The following ERBB3 variants were observed in gnomAD, a reference collection of about 807,000 sequenced individuals.
The protein encoded by ERBB3 is erb-b2 receptor tyrosine kinase 3.
ERBB3 carries 96 observed loss-of-function variants against 156.7 expected under a neutral mutation model. The observed-to-expected ratio is 0.61, with a 90% CI of 0.52 to 0.73. The LOEUF is 0.73. Ranked by LOEUF, ERBB3 falls within the 30% of genes least tolerant of loss-of-function variation. The probability of loss-of-function intolerance (pLI) is 0.00; values close to 1 mark genes in which losing one functional copy is unlikely to be tolerated. For missense variants in ERBB3, 1,406 were observed against 1,709.4 expected (o/e 0.82, Z 3.13); for synonymous variants, 567 against 632.0 (o/e 0.90, Z 1.54).
chr12:56,096,318 C>T (rs1333600108), intron 17 of ERBB3, 185 bp from the exon 18 acceptor site: 3 of 701,630 alleles, frequency 4.3e-6, no homozygotes, highest in Non-Finnish European at 7.3e-6. Context: ...CTCATGAGCA[C>T]AAATAACTTC....
chr12:56,087,280 A>G (rs997550113), intron 4 of ERBB3, among the ~76,000 whole-genome samples: 1 of 152,108 alleles, frequency 6.6e-6, no homozygotes, highest in African/African-American at 2.4e-5. Flanking sequence ...ATATTCCTGC[A>G]TATATTCAGT....
intron 9 of ERBB3, chr12:56,089,196 T>A (rs1309786463): frequency 6.5e-6 from 3 of 458,750 alleles, no homozygotes. Flanking sequence ...TGCAGTGGCG[T>A]GATCTCGACT....
chr12:56,102,351 T>C lies in ERBB3; in HGVS notation c.*296T>C. ...AGGCACTCCTGGAGATATGAAGGAT[T>C]ACTCTCCATATCCCTTCCTCTCAGG... On this transcript the variant is annotated 3_prime_UTR_variant, in exon 28 of 28. Transcript: ENST00000267101. The C allele has an allele frequency of 2.3e-6, 1 of 443,466 alleles. No individual in the cohort carries two copies. The highest frequency in any genetic ancestry group is 2.5e-5 in the South Asian group (1 of 40,056). 27.5% of individuals were successfully genotyped at this position (443,466 alleles called of 1,614,324 possible).
intron 1 of ERBB3, among the ~76,000 whole-genome samples, chr12:56,082,666 T>G (rs975842003): frequency 2.6e-5 from 4 of 152,122 alleles, no homozygotes; most frequent in African/African-American, 7.2e-5. Flanking sequence ...GGTCTTTCCC[T>G]GAACCAGAGG....
rs1319818193 is a variant in ERBB3, at chr12:56,100,917, C to A, written c.3202-144C>A. On this transcript the variant is annotated intron_variant, in intron 26 of 27. Coordinates refer to ENST00000267101, the MANE Select transcript of ERBB3 (RefSeq NM_001982.4). ...TAATGCCACTGCACTCCAGCCTGGGCGACAAGAACAAGACTCCACCTCAAA... is the reference window on the plus strand; with the variant it reads ...TAATGCCACTGCACTCCAGCCTGGGAGACAAGAACAAGACTCCACCTCAAA... 17 of 673,364 alleles carry A rather than the reference C, an allele frequency of 2.5e-5. No homozygotes were observed. The African/African-American group carries it at 3.2e-4, about 13-fold the overall frequency. The allele number at this position is 673,364 out of a possible 1,614,324, so 41.7% of individuals were successfully genotyped here.
At chr12:56,100,850 G>C (rs1277210558) in intron 26 of ERBB3, among the ~76,000 whole-genome samples, 1 of 135,888 alleles carries the variant, frequency 7.4e-6, no homozygotes, top group Admixed American at 8.6e-5. Context: ...TGAGGCAGGA[G>C]AATCACTTGA....
chr12:56,085,106 G>C lies in ERBB3; in HGVS notation c.346G>C (p.Ala116Pro). 6.2e-7 allele frequency: 1 copy of C among 1,614,072 alleles called. No homozygotes were observed. Among genetic ancestry groups the C allele is most frequent in the Non-Finnish European group, 8.5e-7 (1 of 1,179,986 alleles). ...GACCCAGGTCTACGATGGGAAGTTT[G>C]CCATCTTCGTCATGTTGAACTATAA... ...RGTQVYDGKF[A>P]IFVMLNYNTN... The change falls in exon 3 of 28, where the codon GCC (alanine) becomes CCC (proline). Residue 116 changes from alanine to proline, a missense_variant. By Grantham distance (27) the Ala-to-Pro change is conservative. This residue lies in a region of ERBB3 where 979 missense variants were observed against 1,219.6 expected (regional missense o/e 0.80). Coordinates refer to ENST00000267101, the MANE Select transcript of ERBB3 (RefSeq NM_001982.4).
Position 56,102,119 on chromosome 12 carries a change from C to A in ERBB3, c.*64C>A. The A allele has an allele frequency of 1.4e-6, 2 of 1,416,850 alleles. No homozygotes were observed. The highest frequency in any genetic ancestry group is 2.0e-6 in the Non-Finnish European group (2 of 1,013,694). 87.8% of individuals were successfully genotyped at this position (1,416,850 alleles called of 1,614,324 possible). On this transcript the variant is annotated 3_prime_UTR_variant, in exon 28 of 28. Transcript: ENST00000267101. Reference sequence around the variant, plus strand: ...AGCTAGTGCCTTTAGAGGGTACCGTCTTCTCCCTATTCCCTCTCTCTCCCA... The same window carrying A: ...AGCTAGTGCCTTTAGAGGGTACCGTATTCTCCCTATTCCCTCTCTCTCCCA...
intron 1 of ERBB3, among the ~76,000 whole-genome samples, chr12:56,081,110 A>C (rs1456153987): frequency 6.6e-6 from 1 of 152,196 alleles, no homozygotes; most frequent in African/African-American, 2.4e-5. Context: ...CTGTAAGGGC[A>C]AGGATGTCCA....
At position 56,097,029 on chromosome 12, in the gene ERBB3, C is replaced by G. The variant is rs1337925690; in HGVS notation, c.2275-16C>G. The G allele has an allele frequency of 7.4e-6, 12 of 1,613,478 alleles. No homozygotes were observed. The highest frequency in any genetic ancestry group is 9.3e-6 in the Non-Finnish European group (11 of 1,179,598). On this transcript the variant is annotated splice_polypyrimidine_tract_variant and intron_variant, in intron 19 of 27. Transcript: ENST00000267101. The stretch of plus-strand genomic sequence containing the variant: ...AACCTGTTGGTTTCCTAGATAATAC[C>G]TTTTGTGTCTCTTAGCATATGCTGG...
intron 26 of ERBB3, 116 bp from the exon 27 acceptor site, chr12:56,100,939 CAAAAAA>C (rs10536745): frequency 1.5e-3 from 460 of 302,438 alleles, no homozygotes; most frequent in East Asian, 3.3e-3. Flanking sequence ...GACTCCACCT[CAAAAAA>C]AAAAAAAAAA....
rs762488062 is a variant in ERBB3 at position 56,094,127 on chromosome 12, G to A, written c.1642G>A (p.Glu548Lys). 67 of 1,614,024 alleles carry A rather than the reference G, an allele frequency of 4.2e-5. No individual in the cohort carries two copies. Among genetic ancestry groups the A allele is most frequent in the Non-Finnish European group, 5.3e-5 (63 of 1,179,986 alleles). The stretch of plus-strand genomic sequence containing the variant: ...GCCTCGAGAATTTGCCCATGAGGCC[G>A]AATGCTTCTCCTGCCACCCGGAATG... ...GEPREFAHEA[E>K]CFSCHPECQP... The change falls in exon 14 of 28, where the codon GAA becomes AAA. Residue 548 changes from glutamate to lysine, a missense_variant. By Grantham distance (56) the Glu-to-Lys change is moderately conservative. Coordinates refer to ENST00000267101, the MANE Select transcript of ERBB3 (RefSeq NM_001982.4).
At chr12:56,080,781 C>T (rs1868344766) in intron 1 of ERBB3, among the ~76,000 whole-genome samples, 1 of 152,158 alleles carries the variant, frequency 6.6e-6, no homozygotes, top group Admixed American at 6.5e-5. Context: ...CTGCCCCCCA[C>T]CCGCGCCGAT....
chr12:56,097,692 T>C (rs1868934463), intron 20 of ERBB3, 93 bp from the exon 21 acceptor site: 12 of 1,363,716 alleles, frequency 8.8e-6, no homozygotes, highest in African/African-American at 1.4e-5. Flanking sequence ...TGGGGACCAC[T>C]GCTGAGAGGT....
intron 1 of ERBB3, 124 bp downstream of exon 1, chr12:56,080,506 C>A: frequency 1.3e-6 from 1 of 771,062 alleles, no homozygotes; most frequent in Non-Finnish European, 2.1e-6. Context: ...CCCGGTTTGC[C>A]AGGACCACCT....
At position 56,095,730 on chromosome 12, in the gene ERBB3, G is replaced by C. The variant is rs369758674; in HGVS notation, c.1979G>C (p.Gly660Ala). Residue 660 changes from glycine to alanine, a missense_variant, in exon 17 of 28, where the codon GGC becomes GCC. Coordinates refer to ENST00000267101, the MANE Select transcript of ERBB3 (RefSeq NM_001982.4). ...TTGGTAGTGATTTTCATGATGCTGG[G>C]CGGCACTTTTCTCTACTGGCGTGGG... ...AGLVVIFMML[G>A]GTFLYWRGRR... 79 of 1,614,116 alleles carry C rather than the reference G, an allele frequency of 4.9e-5. No individual in the cohort carries two copies. The highest frequency in any genetic ancestry group is 6.7e-5 in the Non-Finnish European group (79 of 1,180,044).
chr12:56,099,109 C>G, intron 23 of ERBB3: 2 of 596,740 alleles, frequency 3.4e-6, no homozygotes, highest in South Asian at 4.1e-5. Flanking sequence ...CAGGCGCCCG[C>G]CACACCTGGA....
chr12:56,091,695 G>A (rs1435353407), intron 9 of ERBB3, among the ~76,000 whole-genome samples: 10 of 152,114 alleles, frequency 6.6e-5, no homozygotes, highest in East Asian at 1.9e-4. Flanking sequence ...GAGGATGTAC[G>A]TGATGTTGAT....
chr12:56,097,732 TCA>T lies in ERBB3; in HGVS notation c.2461-52_2461-51del. 9 of 1,564,372 alleles carry T rather than the reference TCA, an allele frequency of 5.8e-6. No individual in the cohort carries two copies. The South Asian group carries it at 6.7e-5, about 12-fold the overall frequency. ...TCAAGATTTGGGGGAATTCCAGATC[TCA>T]GTGACTGATTCCCCCAACCTTAAGA... is the stretch of plus-strand genomic sequence containing the variant. On this transcript the variant is annotated intron_variant, in intron 20 of 27. Coordinates refer to ENST00000267101, the MANE Select transcript of ERBB3 (RefSeq NM_001982.4).
Sources: allele counts gnomAD v4.1 joint callset (sites outside exome capture counted in the v4.1 genomes callset), GRCh38; gene constraint gnomAD v4.1.1; regional missense constraint gnomAD v4.1.1; transcripts MANE v1.5; gene names NCBI Gene and HGNC (gene_info 2026-07-23, HGNC 2026-07-21).